Variants in EFEMP1 observed in about 807,000 individuals in gnomAD.
The protein encoded by EFEMP1 is EGF-like fibulin extracellular matrix protein 1, also known as EGF-containing fibulin-like extracellular matrix protein 1.
In EFEMP1, 18 loss-of-function variants were observed where a neutral mutation model predicts 65.7. The ratio of observed to expected loss-of-function variants is 0.27; its 90% CI spans 0.19 to 0.41. The LOEUF (loss-of-function observed/expected upper bound fraction) is 0.41. Ranked by LOEUF, EFEMP1 falls within the 10% of genes least tolerant of loss-of-function variation. The pLI, the probability that EFEMP1 is intolerant of heterozygous loss-of-function variation, is 1.00. For synonymous variants in EFEMP1, 237 were observed against 219.7 expected (o/e 1.08, Z -0.70); for missense variants, 469 against 624.8 (o/e 0.75, Z 2.66).
At chr2:55,874,860 A>G in intron 9 of EFEMP1, 86 bp downstream of exon 9, 1 of 1,385,966 alleles carries the variant, frequency 7.2e-7, no homozygotes, top group Non-Finnish European at 9.7e-7. Context: ...GAAAAATGAA[A>G]GTCTATAGGA....
rs1332434897 is a variant in EFEMP1 at position 55,917,491 on chromosome 2, T to C, written c.517+174A>G. On this transcript the variant is annotated intron_variant, in intron 5 of 11. Transcript: ENST00000355426. This position sits in a 1 kb window ranked among gnomAD's most constrained non-coding sequence, Gnocchi z 6.3. ...CAGTTTCCCATTTGTAAAGCAATGA[T>C]GACAACTACAGCAACTACCCTTTAG... Among the ~76,000 whole-genome samples, 1 of 152,198 alleles carries C rather than the reference T, an allele frequency of 6.6e-6. No homozygotes were observed. The highest frequency in any genetic ancestry group is 2.4e-5 in the African/African-American group (1 of 41,448).
intron 6 of EFEMP1, among the ~76,000 whole-genome samples, 199 bp from the exon 7 acceptor site, chr2:55,878,064 A>C (rs1023469362): frequency 2.0e-5 from 3 of 152,336 alleles, no homozygotes; most frequent in Non-Finnish European, 2.9e-5. Context: ...CTCAATGTTC[A>C]TGCCATTCAG....
intron 5 of EFEMP1, among the ~76,000 whole-genome samples, chr2:55,906,743 A>G (rs1345917928): frequency 1.3e-5 from 2 of 152,200 alleles, no homozygotes; most frequent in African/African-American, 4.8e-5. Context: ...ATAATTTACC[A>G]AAGTCTGAAG....
chr2:55,876,865 T>A lies in EFEMP1; in HGVS notation c.761-123A>T, dbSNP rs1056012870. 1.3e-5 allele frequency: 6 copies of A among 467,584 alleles called. No individual in the cohort carries two copies. The East Asian group carries it at 3.2e-4, about 25-fold the overall frequency. 29.0% of individuals were successfully genotyped at this position (467,584 alleles called of 1,614,324 possible). ...CGTCATCTGCTGACAAGTGAGTAAT[T>A]CCCTAGCTGAATTATTTGCCCTGCA... is the stretch of plus-strand genomic sequence containing the variant. On this transcript the variant is annotated intron_variant, in intron 7 of 11. Transcript: ENST00000355426.
intron 5 of EFEMP1, among the ~76,000 whole-genome samples, chr2:55,903,203 C>T (rs192426048): frequency 4.1e-4 from 62 of 152,254 alleles, no homozygotes; most frequent in Admixed American, 1.8e-3. Context: ...AAAAACATTC[C>T]ACTACAGGAG....
chr2:55,887,486 TC>T (rs1669465647), intron 5 of EFEMP1, among the ~76,000 whole-genome samples: 1 of 152,142 alleles, frequency 6.6e-6, no homozygotes, highest in South Asian at 2.1e-4. Flanking sequence ...ACTTTCTAGT[TC>T]CCTTGCTGTT....
chr2:55,878,078 T>C (rs1347410773), intron 6 of EFEMP1, among the ~76,000 whole-genome samples: 1 of 152,164 alleles, frequency 6.6e-6, no homozygotes, highest in Non-Finnish European at 1.5e-5. Flanking sequence ...CATTCAGTGG[T>C]AAATAAACTT....
chr2:55,914,117 T>C lies in EFEMP1; in HGVS notation c.517+3548A>G, dbSNP rs761275350. ...TCATTCAACTTCTTTTTGGTGTAGATGAGTATCTGTTGTCTTTGAGGCAGA... is the reference window on the plus strand; with the variant it reads ...TCATTCAACTTCTTTTTGGTGTAGACGAGTATCTGTTGTCTTTGAGGCAGA... On this transcript the variant is annotated intron_variant, in intron 5 of 11. Coordinates refer to ENST00000355426, the MANE Select transcript of EFEMP1 (RefSeq NM_001039348.3). Among the ~76,000 whole-genome samples the C allele has an allele frequency of 5.9e-4, 90 of 152,314 alleles. 2 individuals are homozygous for C. Among genetic ancestry groups the C allele is most frequent in the Non-Finnish European group, 1.0e-3 (71 of 68,022 alleles).
intron 8 of EFEMP1, among the ~76,000 whole-genome samples, chr2:55,875,574 T>C (rs1669001232): frequency 6.6e-6 from 1 of 152,162 alleles, no homozygotes; most frequent in African/African-American, 2.4e-5. Flanking sequence ...TACTGAATCA[T>C]TGCTGACAAT....
intron 5 of EFEMP1, among the ~76,000 whole-genome samples, chr2:55,904,217 G>C (rs150824077): frequency 1.6e-3 from 249 of 152,274 alleles, no homozygotes; most frequent in African/African-American, 5.7e-3. Flanking sequence ...TGAAACTTGA[G>C]ATTTGCAGAA....
At chr2:55,913,130 T>C (rs1670544058) in intron 5 of EFEMP1, among the ~76,000 whole-genome samples, 1 of 152,130 alleles carries the variant, frequency 6.6e-6, no homozygotes, top group Non-Finnish European at 1.5e-5. Flanking sequence ...CCTGAAAAAA[T>C]GGCTCTAACG....
intron 5 of EFEMP1, among the ~76,000 whole-genome samples, chr2:55,916,683 A>C (rs1301619911): frequency 6.6e-6 from 1 of 152,194 alleles, no homozygotes; most frequent in African/African-American, 2.4e-5. Context: ...GGAGTTCTGC[A>C]CTATGGGATC....
rs1346785 is a variant in EFEMP1 at position 55,878,952 on chromosome 2, T to C, written c.641-1087A>G. Among the ~76,000 whole-genome samples the C allele has an allele frequency of 2.4e-3, 364 of 152,300 alleles. 1 individual carries two copies. The highest frequency in any genetic ancestry group is 8.6e-3 in the African/African-American group (356 of 41,564). Reference sequence around the variant, plus strand: ...GATTTAACTTGAATACTGAAATAAATAGTAAGAAGATATTCACATGGCTTT... The same window carrying C: ...GATTTAACTTGAATACTGAAATAAACAGTAAGAAGATATTCACATGGCTTT... On this transcript the variant is annotated intron_variant, in intron 6 of 11. Coordinates refer to ENST00000355426, the MANE Select transcript of EFEMP1 (RefSeq NM_001039348.3).
intron 5 of EFEMP1, among the ~76,000 whole-genome samples, chr2:55,892,848 AC>A (rs1303306726): frequency 6.6e-6 from 1 of 151,974 alleles, no homozygotes; most frequent in Non-Finnish European, 1.5e-5. Flanking sequence ...AAAAAACCAA[AC>A]TCTACGTTCT....
At position 55,886,462 on chromosome 2, in the gene EFEMP1, A is replaced by T. The variant is rs988199149; in HGVS notation, c.518-4728T>A. 2.0e-5 allele frequency among the ~76,000 whole-genome samples: 3 copies of T among 152,206 alleles called. No individual in the cohort carries two copies. The highest frequency in any genetic ancestry group is 7.2e-5 in the African/African-American group (3 of 41,464). On this transcript the variant is annotated intron_variant, in intron 5 of 11. Transcript: ENST00000355426. The surrounding 1 kb of genome is among the most constrained non-coding windows in gnomAD (Gnocchi z 4.0). ...TAGTGGTTAAATTCAAGTTGGTGAT[A>T]CTTCTTGATCTGTGTGGATTTAAAA...
chr2:55,867,155 A>C lies in EFEMP1; in HGVS notation c.1400T>G (p.Met467Arg), dbSNP rs1255890677. 1 of 1,614,026 alleles carries C rather than the reference A, an allele frequency of 6.2e-7. No individual in the cohort carries two copies. Among genetic ancestry groups the C allele is most frequent in the Non-Finnish European group, 8.5e-7 (1 of 1,179,964 alleles). Residue 467 changes from methionine (M) to arginine (R), a missense_variant, in exon 12 of 12, where the codon ATG becomes AGG. Met to Arg is a moderately conservative substitution (Grantham distance 91). Coordinates refer to ENST00000355426, the MANE Select transcript of EFEMP1 (RefSeq NM_001039348.3). This position sits in a 1 kb window ranked among gnomAD's most constrained non-coding sequence, Gnocchi z 4.3. ...GPREHIVDLE[M>R]LTVSSIGTFR... ...GGTCCCTATACTGCTGACTGTCAGC[A>C]TCTCCAGGTCCACGATATGTTCTCT...
chr2:55,913,738 A>T (rs528397849), intron 5 of EFEMP1, among the ~76,000 whole-genome samples: 1 of 152,144 alleles, frequency 6.6e-6, no homozygotes, highest in African/African-American at 2.4e-5. Context: ...TGCCAGGTAC[A>T]GTGGCTCAGG....
At chr2:55,891,517 A>G (rs547496688) in intron 5 of EFEMP1, among the ~76,000 whole-genome samples, 17 of 152,240 alleles carry the variant, frequency 1.1e-4, no homozygotes, top group Admixed American at 2.6e-4. Context: ...AACAACATTG[A>G]ATATCTATAC....
intron 6 of EFEMP1, among the ~76,000 whole-genome samples, chr2:55,880,137 G>T (rs898185444): frequency 2.6e-5 from 4 of 152,134 alleles, no homozygotes; most frequent in African/African-American, 9.7e-5. Context: ...ATTTTGTGGT[G>T]GGGGAGAGGT....
Sources: gnomAD v4.1 joint callset for allele counts (sites outside exome capture counted in the v4.1 genomes callset) on GRCh38, gnomAD v4.1.1 for gene constraint, Gnocchi (gnomAD v3.1) non-coding constraint, MANE v1.5 for transcripts, NCBI Gene and HGNC (gene_info 2026-07-23, HGNC 2026-07-21) for gene names.